Variants in RNF19B observed in about 807,000 individuals in gnomAD.
The protein encoded by RNF19B is E3 ubiquitin-protein ligase RNF19B.
Under a neutral mutation model 65.5 loss-of-function variants are expected in RNF19B, and 23 were observed. The observed-to-expected ratio is 0.35, with a 90% CI of 0.25 to 0.50. The LOEUF (loss-of-function observed/expected upper bound fraction) is 0.50. Among genes scored for constraint, RNF19B ranks in the 20% least tolerant of loss-of-function variants. The pLI is 0.98. For missense variants in RNF19B, 794 were observed against 980.0 expected (o/e 0.81, Z 2.53); for synonymous variants, 372 against 379.6 (o/e 0.98, Z 0.23).
At position 32,938,362 on chromosome 1, in the gene RNF19B, T is replaced by C. The variant is rs139374693; in HGVS notation, c.1742+35A>G. ...GAAGACCTAGTACCCAACGAAAAAA[T>C]GCAACCTCTCCTGGACATCTGACTG... On this transcript the variant is annotated intron_variant, in intron 8 of 8. Coordinates refer to ENST00000235150, the MANE Select transcript of RNF19B (RefSeq NM_001300826.2). 1,015 of 1,613,662 alleles carry C rather than the reference T, an allele frequency of 6.3e-4. 8 individuals carry two copies. In the African/African-American group the frequency reaches 0.012, roughly 19 times the overall value.
chr1:32,929,038 A>G, the RNF19B span, among the ~76,000 whole-genome samples: 1 of 152,172 alleles, frequency 6.6e-6, no homozygotes, highest in African/African-American at 2.4e-5. Context: ...AAACTGGGTG[A>G]CTTAAGTAAC....
Position 32,964,783 on chromosome 1 carries a change from C to CACCGCCTCA in RNF19B, c.-107_-99dup, listed in dbSNP as rs1233603895. ...GCCCGGCCGCCGCCGACGCCGCCAC[C>CACCGCCTCA]ACCGCCTCAACCGCCCTCCCGGCGA... is the stretch of plus-strand genomic sequence containing the variant. On this transcript the variant is annotated 5_prime_UTR_variant, in exon 1 of 9. Transcript: ENST00000235150. This position sits in a 1 kb window ranked among gnomAD's most constrained non-coding sequence, Gnocchi z 6.5. 5.2e-6 allele frequency: 6 copies of CACCGCCTCA among 1,159,490 alleles called. No individual in the cohort carries two copies. Among genetic ancestry groups the CACCGCCTCA allele is most frequent in the Non-Finnish European group, 5.5e-6 (5 of 906,770 alleles). The allele number at this position is 1,159,490 out of a possible 1,614,324, so 71.8% of individuals were successfully genotyped here. A position where few individuals can be genotyped will look rare whatever the true frequency, so the allele number is the denominator to read the frequency against.
At chr1:32,947,756 TAC>T (rs1395467284) in intron 3 of RNF19B, among the ~76,000 whole-genome samples, 2 of 151,956 alleles carry the variant, frequency 1.3e-5, no homozygotes, top group African/African-American at 4.8e-5. Flanking sequence ...TCAAGATACT[TAC>T]AGTTTAGTAA....
intron 1 of RNF19B, among the ~76,000 whole-genome samples, chr1:32,955,671 C>T (rs1293464786): frequency 6.6e-6 from 1 of 151,160 alleles, no homozygotes; most frequent in Non-Finnish European, 1.5e-5. Flanking sequence ...ACGGCTACAG[C>T]CCGGGAGGTG....
At chr1:32,932,870 A>G (rs185455073), downstream of RNF19B, among the ~76,000 whole-genome samples, 1 of 152,308 alleles carries the variant, frequency 6.6e-6, no homozygotes, top group East Asian at 1.9e-4. Context: ...TTGGAAACAG[A>G]CTAAGGATGC....
intron 1 of RNF19B, among the ~76,000 whole-genome samples, chr1:32,962,684 G>T (rs1642800148): frequency 6.6e-6 from 1 of 152,160 alleles, no homozygotes; most frequent in South Asian, 2.1e-4. Context: ...TGAAGCTAAA[G>T]ATCACACAAC....
rs567606795 is a variant in RNF19B, at chr1:32,947,265, A to G, written c.984-701T>C. ...AATGAAGGTGTTGTGTTTCATTTAC[A>G]CAATGAATGTTTGTTTGTAAATATT... is the stretch of plus-strand genomic sequence containing the variant. On this transcript the variant is annotated intron_variant, in intron 3 of 8. Transcript: ENST00000235150. Among the ~76,000 whole-genome samples, 28 of 152,364 alleles carry G rather than the reference A, an allele frequency of 1.8e-4. 1 individual carries two copies. Among genetic ancestry groups the G allele is most frequent in the Admixed American group, 3.3e-4 (5 of 15,300 alleles).
At chr1:32,959,680 AT>A (rs1328759858) in intron 1 of RNF19B, among the ~76,000 whole-genome samples, 1 of 152,052 alleles carries the variant, frequency 6.6e-6, no homozygotes, top group Non-Finnish European at 1.5e-5. Flanking sequence ...TTTTGAACTA[AT>A]TTTATCTCAT....
intron 8 of RNF19B, 178 bp downstream of exon 8, chr1:32,938,219 A>G: frequency 1.9e-6 from 1 of 524,090 alleles, no homozygotes; most frequent in Non-Finnish European, 3.4e-6. Context: ...CGCTAACAAG[A>G]AGAATCAAGA....
intron 3 of RNF19B, 34 bp from the exon 4 acceptor site, chr1:32,946,598 A>G (rs374691161): frequency 1.9e-6 from 3 of 1,597,946 alleles, no homozygotes; most frequent in Non-Finnish European, 2.6e-6. Context: ...TAATGTCAAC[A>G]TTACAAATAC....
Position 32,942,348 on chromosome 1 carries a change from A to G in RNF19B, c.1514T>C (p.Met505Thr), listed in dbSNP as rs1275754302. 1.9e-6 allele frequency: 3 copies of G among 1,614,216 alleles called. No individual in the cohort carries two copies. The Admixed American group carries it at 5.0e-5, about 27-fold the overall frequency. ...SGSPTDGLSV[M>T]QGPYSETASF... The stretch of plus-strand genomic sequence containing the variant: ...GGCCGTTTCGCTGTAAGGACCTTGC[A>G]TAACACTAAGTCCATCTGTAGGGCT... Residue 505 changes from methionine to threonine, a missense_variant, in exon 7 of 9, where the codon ATG (methionine) becomes ACG (threonine). Met to Thr is a moderately conservative substitution (Grantham distance 81, BLOSUM62 -1). Transcript: ENST00000235150.
chr1:32,942,313 C>T lies in RNF19B; in HGVS notation c.1549G>A (p.Ala517Thr). 1 of 1,614,130 alleles carries T rather than the reference C, an allele frequency of 6.2e-7. No homozygotes were observed. The highest frequency in any genetic ancestry group is 8.5e-7 in the Non-Finnish European group (1 of 1,179,962). Residue 517 changes from alanine to threonine, a missense_variant, in exon 7 of 9, where the codon GCC becomes ACC. Transcript: ENST00000235150. ...CCACTCAGCGTGCCCCCTGAGAGGG[C>T]TGCAAAGCTGGCCGTTTCGCTGTAA... ...GPYSETASFA[A>T]LSGGTLSGGI...
downstream of RNF19B, among the ~76,000 whole-genome samples, chr1:32,935,077 G>A (rs548832356): frequency 2.6e-4 from 40 of 151,538 alleles, no homozygotes; most frequent in South Asian, 6.1e-3. Flanking sequence ...TGATTCACCC[G>A]CCTTGGCCTC....
chr1:32,963,916 T>G, intron 1 of RNF19B, 135 bp downstream of exon 1: 1 of 1,328,530 alleles, frequency 7.5e-7, no homozygotes, highest in Non-Finnish European at 9.6e-7. Flanking sequence ...TGGGCTTGCC[T>G]GATGGTTACC....
chr1:32,947,838 A>G (rs1642403929), intron 3 of RNF19B, among the ~76,000 whole-genome samples: 1 of 152,128 alleles, frequency 6.6e-6, no homozygotes, highest in Admixed American at 6.6e-5. Context: ...AAGTCAAAGA[A>G]TGAGGCGGAA....
In RNF19B at chr1:32,964,274, G is replaced by A. The variant is rs1388380001; in HGVS notation, c.412C>T (p.Pro138Ser). 5 of 1,534,698 alleles carry A rather than the reference G, an allele frequency of 3.3e-6. No homozygotes were observed. The highest frequency in any genetic ancestry group is 1.4e-5 in the African/African-American group (1 of 71,186). ...PERAPRLLSCPHRSCRDCLRH... is the reference protein window; with the variant it reads ...PERAPRLLSCSHRSCRDCLRH... Reference sequence around the variant, plus strand: ...AGGCAGTCCCGGCACGAGCGGTGCGGACAGCTGAGGAGGCGCGGGGCCCGC... The same window carrying A: ...AGGCAGTCCCGGCACGAGCGGTGCGAACAGCTGAGGAGGCGCGGGGCCCGC... The change falls in exon 1 of 9, where the codon CCG (proline) becomes TCG (serine). Residue 138 changes from proline to serine, a missense_variant. Physicochemically the swap from Pro to Ser is moderately conservative, Grantham distance 74. Transcript: ENST00000235150. The surrounding 1 kb of genome is among the most constrained non-coding windows in gnomAD (Gnocchi z 6.5).
At chr1:32,961,898 C>T (rs1642778522) in intron 1 of RNF19B, among the ~76,000 whole-genome samples, 1 of 151,780 alleles carries the variant, frequency 6.6e-6, no homozygotes, top group South Asian at 2.1e-4. Flanking sequence ...AGATGATCTG[C>T]CACATTTCTT....
Position 32,964,059 on chromosome 1 carries a change from CG to C in RNF19B, c.626del (p.Pro209ArgfsTer18). 1.3e-6 allele frequency: 2 copies of C among 1,509,566 alleles called. No individual in the cohort carries two copies. Among genetic ancestry groups the C allele is most frequent in the Non-Finnish European group, 8.9e-7 (1 of 1,129,410 alleles). 93.5% of individuals were successfully genotyped at this position (1,509,566 alleles called of 1,614,324 possible). ...SDPDCRWCPA[P>X]DCGYAVIAYG... is the part of the protein sequence containing the mutation. The stretch of plus-strand genomic sequence containing the variant: ...CACGCCCCCGCGCTCACCCGCAGTC[CG>C]GGGCCGGGCACCAGCGGCAGTCGGG... On this transcript the variant is annotated frameshift_variant, in exon 1 of 9. Coordinates refer to ENST00000235150, the MANE Select transcript of RNF19B (RefSeq NM_001300826.2). LOFTEE classifies it high-confidence loss of function. This position sits in a 1 kb window ranked among gnomAD's most constrained non-coding sequence, Gnocchi z 6.5.
At chr1:32,961,545 T>A (rs1642769384) in intron 1 of RNF19B, among the ~76,000 whole-genome samples, 1 of 152,170 alleles carries the variant, frequency 6.6e-6, no homozygotes, top group Admixed American at 6.6e-5. Flanking sequence ...TGTATCGAAT[T>A]AAATTATATA....
Sources: gnomAD v4.1 joint callset for allele counts (sites outside exome capture counted in the v4.1 genomes callset) on GRCh38, gnomAD v4.1.1 for gene constraint, Gnocchi (gnomAD v3.1) non-coding constraint, MANE v1.5 for transcripts, NCBI Gene and HGNC (gene_info 2026-07-23, HGNC 2026-07-21) for gene names.